The following ANK2 variants were observed in gnomAD, a reference collection of about 807,000 sequenced individuals.
ANK2 encodes ankyrin 2, also known as ankyrin-2.
ANK2 carries 83 observed loss-of-function variants against 360.5 expected under a neutral mutation model. The ratio of observed to expected loss-of-function variants is 0.23; its 90% CI spans 0.19 to 0.28. ANK2 has a LOEUF of 0.28. Among genes scored for constraint, ANK2 ranks in the 10% least tolerant of loss-of-function variants. The probability of loss-of-function intolerance (pLI) is 1.00; values close to 1 mark genes in which losing one functional copy is unlikely to be tolerated. For missense variants in ANK2, 4,201 were observed against 4,795.7 expected (o/e 0.88, Z 3.66); for synonymous variants, 1,740 against 1,759.5 (o/e 0.99, Z 0.28).
chr4:112,730,839 C>A, the ANK2 span, among the ~76,000 whole-genome samples: 1 of 149,174 alleles, frequency 6.7e-6, no homozygotes, highest in Non-Finnish European at 1.5e-5. Context: ...TAGTGAGACA[C>A]TGTCTCTAAA....
intron 4 of ANK2, among the ~76,000 whole-genome samples, chr4:113,223,747 A>G (rs937901729): frequency 2.0e-5 from 3 of 152,326 alleles, no homozygotes; most frequent in Admixed American, 2.0e-4. Context: ...ATAACAAATT[A>G]TCCCCAAACT....
intron 26 of ANK2, among the ~76,000 whole-genome samples, chr4:113,325,286 G>A (rs2089175868): frequency 6.6e-6 from 1 of 152,158 alleles, no homozygotes; most frequent in Non-Finnish European, 1.5e-5. Context: ...TGAAGTAATA[G>A]CAGTTTATTT....
intron 4 of ANK2, among the ~76,000 whole-genome samples, chr4:113,202,880 A>T (rs2098854382): frequency 6.6e-6 from 1 of 152,174 alleles, no homozygotes; most frequent in Non-Finnish European, 1.5e-5. Context: ...ATTTAGTAAC[A>T]ATGAACAAAT....
intron 2 of ANK2, among the ~76,000 whole-genome samples, chr4:113,023,010 C>T (rs1192744748): frequency 1.3e-5 from 2 of 151,944 alleles, no homozygotes; most frequent in African/African-American, 4.8e-5. Flanking sequence ...GGATAAATAG[C>T]TAATGCATGT....
chr4:113,264,627 C>G (rs1042917115), intron 13 of ANK2, among the ~76,000 whole-genome samples: 2 of 150,892 alleles, frequency 1.3e-5, no homozygotes, highest in African/African-American at 4.9e-5. Context: ...GAGGCTGAGG[C>G]AAGAGAATCG....
chr4:113,278,603 C>A (rs1341944581), intron 17 of ANK2, 45 bp downstream of exon 17: 2 of 1,552,160 alleles, frequency 1.3e-6, no homozygotes, highest in African/African-American at 1.4e-5. Context: ...GTGTAACTAT[C>A]GCCTGAAAAC....
intron 2 of ANK2, among the ~76,000 whole-genome samples, chr4:112,930,837 G>C (rs1249792062): frequency 6.6e-6 from 1 of 150,888 alleles, no homozygotes; most frequent in African/African-American, 2.4e-5. Flanking sequence ...GCAGTGAGCC[G>C]AGACCATGCC....
At chr4:112,990,224 G>A (rs1231680146) in intron 2 of ANK2, among the ~76,000 whole-genome samples, 2 of 152,140 alleles carry the variant, frequency 1.3e-5, no homozygotes, top group Non-Finnish European at 2.9e-5. Flanking sequence ...AGCCATGATT[G>A]TGCCACTGAA....
chr4:113,031,781 T>C (rs1372609738), intron 2 of ANK2, among the ~76,000 whole-genome samples: 1 of 152,004 alleles, frequency 6.6e-6, no homozygotes, highest in Non-Finnish European at 1.5e-5. Context: ...TCCTATTATT[T>C]AGTAAATGGA....
At chr4:113,218,598 C>T (rs949660172) in intron 4 of ANK2, among the ~76,000 whole-genome samples, 1 of 152,138 alleles carries the variant, frequency 6.6e-6, no homozygotes, top group Admixed American at 6.5e-5. Flanking sequence ...AGTCTACTAG[C>T]TGCAGTTGAC....
intron 1 of ANK2, among the ~76,000 whole-genome samples, chr4:112,866,825 C>T (rs563434707): frequency 3.5e-4 from 53 of 151,980 alleles, no homozygotes; most frequent in African/African-American, 1.0e-3. Flanking sequence ...CTCATAATTC[C>T]GCATTGTCTA....
At chr4:113,055,563 T>C (rs1002223192) in intron 1 of ANK2, among the ~76,000 whole-genome samples, 3 of 152,220 alleles carry the variant, frequency 2.0e-5, no homozygotes, top group Admixed American at 1.3e-4. Context: ...TGTTTAAGTC[T>C]AGATGGCAGC....
intron 8 of ANK2, among the ~76,000 whole-genome samples, chr4:113,240,997 A>G (rs903542957): frequency 6.6e-6 from 1 of 152,174 alleles, no homozygotes; most frequent in African/African-American, 2.4e-5. Context: ...ATGAATTGAG[A>G]ATTTGTTCAC....
intron 2 of ANK2, among the ~76,000 whole-genome samples, chr4:113,192,402 A>G (rs901706558): frequency 1.3e-5 from 2 of 152,172 alleles, no homozygotes; most frequent in East Asian, 1.9e-4. Context: ...CCTCAAAATC[A>G]ACAGAGTCCA....
chr4:112,734,098 G>GGT, the ANK2 span, among the ~76,000 whole-genome samples: 671 of 151,930 alleles, frequency 4.4e-3, 8 homozygotes, highest in African/African-American at 0.015. Flanking sequence ...TATATGATGT[G>GGT]GTGTGTGTGT....
At chr4:113,136,386 C>T (rs1159173116) in intron 1 of ANK2, among the ~76,000 whole-genome samples, 2 of 151,978 alleles carry the variant, frequency 1.3e-5, no homozygotes, top group African/African-American at 4.8e-5. Context: ...GGAGAGAATG[C>T]AAAGATGAGA....
intron 1 of ANK2, among the ~76,000 whole-genome samples, chr4:112,819,805 T>C (rs1012302039): frequency 1.3e-5 from 2 of 152,344 alleles, no homozygotes; most frequent in African/African-American, 4.8e-5. Flanking sequence ...TATATTCATC[T>C]TGGAAAGGGT....
intron 1 of ANK2, among the ~76,000 whole-genome samples, chr4:112,819,830 G>C (rs2056485528): frequency 6.6e-6 from 1 of 152,182 alleles, no homozygotes; most frequent in African/African-American, 2.4e-5. Context: ...ATCACTGCTT[G>C]TAATTTTGTT....
At chr4:113,192,491 A>G (rs1247888421) in intron 2 of ANK2, among the ~76,000 whole-genome samples, 4 of 152,178 alleles carry the variant, frequency 2.6e-5, no homozygotes, top group Non-Finnish European at 5.9e-5. Context: ...GATTGAATTT[A>G]TGACCCGTTT....
Sources: gnomAD v4.1 joint callset for allele counts (sites outside exome capture counted in the v4.1 genomes callset) on GRCh38, gnomAD v4.1.1 for gene constraint, MANE v1.5 for transcripts, NCBI Gene and HGNC (gene_info 2026-07-23, HGNC 2026-07-21) for gene names.